The following ZNF69 variants were observed in gnomAD, a reference collection of about 807,000 sequenced individuals.
ZNF69 encodes zinc finger protein 69, also known as ZNF3.
Under a neutral mutation model 50.9 loss-of-function variants are expected in ZNF69, and 47 were observed. That is an observed-to-expected ratio of 0.92 (90% confidence interval 0.73 to 1.18). ZNF69 has a LOEUF of 1.18. ZNF69 is among the 50% of genes most tolerant of loss of function. The pLI, the probability that ZNF69 is intolerant of heterozygous loss-of-function variation, is 0.00. For missense variants in ZNF69, 717 were observed against 675.1 expected (o/e 1.06, Z -0.69); for synonymous variants, 216 against 223.1 (o/e 0.97, Z 0.29).
At chr19:11,927,523 A>C in the ZNF69 span, among the ~76,000 whole-genome samples, 1 of 152,144 alleles carries the variant, frequency 6.6e-6, no homozygotes, top group African/African-American at 2.4e-5. Flanking sequence ...CTCATACAGC[A>C]AGTGGAGGAA....
At chr19:11,945,748 C>A in the ZNF69 span, among the ~76,000 whole-genome samples, 2 of 152,008 alleles carry the variant, frequency 1.3e-5, no homozygotes, top group African/African-American at 4.8e-5. Flanking sequence ...ATGATGACTC[C>A]CTTTCCGGGT....
chr19:11,912,015 G>GA (rs1972465510), intron 4 of ZNF69, among the ~76,000 whole-genome samples: 2 of 152,122 alleles, frequency 1.3e-5, no homozygotes, highest in Admixed American at 1.3e-4. Context: ...GACTCACACT[G>GA]GAGAGAAACC....
At chr19:11,913,294 A>T (rs1972484409) in intron 4 of ZNF69, 1 of 522,856 alleles carries the variant, frequency 1.9e-6, no homozygotes, top group African/African-American at 2.0e-5. Context: ...GAGTCAGTAT[A>T]ACCATGTGGA....
At chr19:11,927,727 A>G in the ZNF69 span, among the ~76,000 whole-genome samples, 2 of 152,198 alleles carry the variant, frequency 1.3e-5, no homozygotes, top group Non-Finnish European at 2.9e-5. Context: ...ACATATTGTT[A>G]TAGGTATTGG....
the ZNF69 span, among the ~76,000 whole-genome samples, chr19:11,951,230 G>GT: frequency 1.4e-4 from 20 of 146,114 alleles, no homozygotes; most frequent in African/African-American, 5.3e-4. Context: ...AATTTTGCTG[G>GT]TTTTTGTTTT....
At chr19:11,930,439 A>C in the ZNF69 span, among the ~76,000 whole-genome samples, 3 of 148,118 alleles carry the variant, frequency 2.0e-5, no homozygotes, top group Non-Finnish European at 4.4e-5. Flanking sequence ...GTAGAACTGG[A>C]AACTCTGTTG....
chr19:11,916,279 C>G (rs962725868), downstream of ZNF69, among the ~76,000 whole-genome samples: 1 of 151,946 alleles, frequency 6.6e-6, no homozygotes, highest in African/African-American at 2.4e-5. Context: ...TAAATAAATA[C>G]ATAAAATGTG....
chr19:11,953,522 T>C, the ZNF69 span: 1 of 152,248 alleles, frequency 6.6e-6, no homozygotes, highest in Non-Finnish European at 1.5e-5. Context: ...AATCTGCAAT[T>C]TTTGACTTGC....
At position 11,905,952 on chromosome 19, in the gene ZNF69, A is replaced by G. The variant is rs938306000; in HGVS notation, c.1555A>G (p.Ser519Gly). ...KQCGEAFSSSSSFRYHERTHT... is the reference protein window; with the variant it reads ...KQCGEAFSSSGSFRYHERTHT... Reference sequence around the variant, plus strand: ...ATGTGGTGAAGCCTTCAGTAGTTCCAGTTCCTTTCGATACCATGAAAGGAC... The same window carrying G: ...ATGTGGTGAAGCCTTCAGTAGTTCCGGTTCCTTTCGATACCATGAAAGGAC... Residue 519 changes from serine (S) to glycine (G), a missense_variant, in exon 4 of 4, where the codon AGT becomes GGT. Ser to Gly is a moderately conservative substitution (Grantham distance 56, BLOSUM62 0). Coordinates refer to ENST00000429654, the MANE Select transcript of ZNF69 (RefSeq NM_001364730.1). 6.2e-6 allele frequency: 10 copies of G among 1,613,574 alleles called. No individual in the cohort carries two copies. The African/African-American group carries it at 1.2e-4, about 19-fold the overall frequency.
chr19:11,903,612 C>G lies in ZNF69; in HGVS notation c.103C>G (p.Gln35Glu). 6.2e-7 allele frequency: 1 copy of G among 1,614,136 alleles called. No individual in the cohort carries two copies. Residue 35 changes from glutamine (Q) to glutamate (E), a missense_variant, in exon 2 of 4, where the codon CAG (glutamine) becomes GAG (glutamate). Transcript: ENST00000429654. Reference sequence around the variant, plus strand: ...TGATGATGTTGCTGTGAACTTCACCCAGGAGGAGTGGGCTTTGCTGGATAT... The same window carrying G: ...TGATGATGTTGCTGTGAACTTCACCGAGGAGGAGTGGGCTTTGCTGGATAT... ...AFDDVAVNFT[Q>E]EEWALLDISQ...
At chr19:11,920,078 G>A in the ZNF69 span, among the ~76,000 whole-genome samples, 4 of 151,170 alleles carry the variant, frequency 2.6e-5, no homozygotes, top group Admixed American at 6.6e-5. Flanking sequence ...AGCCCATAAC[G>A]ACTTGGGACA....
chr19:11,964,905 G>T, the ZNF69 span: 1 of 404,080 alleles, frequency 2.5e-6, no homozygotes, highest in Non-Finnish European at 4.6e-6. Context: ...AGTCAGTCTG[G>T]CTCTGCCGGG....
Position 11,905,897 on chromosome 19 carries a change from C to T in ZNF69, c.1500C>T (p.His500=), listed in dbSNP as rs757713374. The change falls in exon 4 of 4, where the codon CAC becomes CAT. Residue 500 remains histidine, a synonymous_variant. Coordinates refer to ENST00000429654, the MANE Select transcript of ZNF69 (RefSeq NM_001364730.1). ...CATTGCAAAGACATGAAAAAACTCA[C>T]ACTGGAGAGAAACTCTATGAATGCA... The part of the protein sequence containing the change: ...PKSLQRHEKT[H]TGEKLYECKQ... The T allele has an allele frequency of 3.7e-6, 6 of 1,613,958 alleles. No homozygotes were observed. The highest frequency in any genetic ancestry group is 1.3e-5 in the African/African-American group (1 of 75,000).
chr19:11,980,082 G>GA, the ZNF69 span: 1 of 1,041,464 alleles, frequency 9.6e-7, no homozygotes, highest in Non-Finnish European at 1.4e-6. Flanking sequence ...AAGCAATGTG[G>GA]AAAAACCTTC....
chr19:11,932,730 C>T, the ZNF69 span, among the ~76,000 whole-genome samples: 3 of 145,898 alleles, frequency 2.1e-5, no homozygotes, highest in East Asian at 5.8e-4. Flanking sequence ...CTCCGCCTCC[C>T]GGGTTCACGC....
the ZNF69 span, chr19:11,978,844 C>T: frequency 4.3e-6 from 7 of 1,614,084 alleles, no homozygotes; most frequent in Admixed American, 8.3e-5. Flanking sequence ...AGAACTCACA[C>T]TGGGGAGAAG....
chr19:11,939,951 T>C, the ZNF69 span: 1 of 142,962 alleles, frequency 7.0e-6, no homozygotes, highest in Non-Finnish European at 1.5e-5. Flanking sequence ...CAAGACGTTT[T>C]CTTTTTTTTT....
the ZNF69 span, chr19:11,977,464 T>C: frequency 3.1e-6 from 5 of 1,606,312 alleles, no homozygotes; most frequent in Non-Finnish European, 4.3e-6. Context: ...GCAGTGTCTC[T>C]AGATGATTTT....
downstream of ZNF69, among the ~76,000 whole-genome samples, chr19:11,916,473 G>T (rs1287402142): frequency 5.3e-5 from 8 of 152,080 alleles, no homozygotes; most frequent in Non-Finnish European, 5.9e-5. Context: ...AAATTAGCTG[G>T]GTGTGGTGGC....
Sources: allele counts gnomAD v4.1 joint callset (sites outside exome capture counted in the v4.1 genomes callset), GRCh38; gene constraint gnomAD v4.1.1; transcripts MANE v1.5; gene names NCBI Gene and HGNC (gene_info 2026-07-23, HGNC 2026-07-21).